The following BPTF variants were observed in gnomAD, a reference collection of about 807,000 sequenced individuals.
BPTF encodes bromodomain PHD finger transcription factor.
Under a neutral mutation model 292.5 loss-of-function variants are expected in BPTF, and 18 were observed. The ratio of observed to expected loss-of-function variants is 0.06; its 90% CI spans 0.04 to 0.09. The LOEUF is 0.09. BPTF is among the 10% of genes least tolerant of loss of function. The probability of loss-of-function intolerance (pLI) is 1.00; values close to 1 mark genes in which losing one functional copy is unlikely to be tolerated. For missense variants in BPTF, 2,726 were observed against 3,498.7 expected (o/e 0.78, Z 5.57); for synonymous variants, 1,225 against 1,251.9 (o/e 0.98, Z 0.45).
chr17:67,881,389 T>C (rs1241523257), intron 4 of BPTF, among the ~76,000 whole-genome samples: 1 of 152,136 alleles, frequency 6.6e-6, no homozygotes, highest in African/African-American at 2.4e-5. Flanking sequence ...TATATGGTTT[T>C]TGTACCTTCA....
In BPTF at chr17:67,825,866, C is replaced by A. The variant is rs1003542700; in HGVS notation, c.142C>A (p.Arg48=). ...GLRSRHRGSS[R]GRWAAAQAEV... is the part of the protein sequence containing the mutation. ...CCGCTCGCGGCACCGCGGCAGCAGC[C>A]GGGGCAGGTGGGCCGCCGCCCAGGC... The change falls in exon 1 of 28, where the codon CGG becomes AGG. Residue 48 remains arginine, a synonymous_variant. Transcript: ENST00000306378. 57 of 1,013,800 alleles carry A rather than the reference C, an allele frequency of 5.6e-5. No homozygotes were observed. In the African/African-American group the frequency reaches 9.1e-4, roughly 16 times the overall value. The allele number at this position is 1,013,800 out of a possible 1,614,324, so 62.8% of individuals were successfully genotyped here.
At chr17:67,841,634 T>C (rs1184149437) in intron 1 of BPTF, among the ~76,000 whole-genome samples, 1 of 152,186 alleles carries the variant, frequency 6.6e-6, no homozygotes, top group Non-Finnish European at 1.5e-5. Context: ...ATTCCTGGGC[T>C]CAAGCAGTCC....
intron 1 of BPTF, among the ~76,000 whole-genome samples, chr17:67,844,287 G>C (rs1018646234): frequency 4.1e-5 from 6 of 147,866 alleles, no homozygotes; most frequent in Admixed American, 6.8e-5. Context: ...TAGCTCTGTT[G>C]CCCAGGCTGG....
chr17:67,925,148 A>C (rs749670637), intron 15 of BPTF, among the ~76,000 whole-genome samples: 8 of 151,740 alleles, frequency 5.3e-5, no homozygotes, highest in Non-Finnish European at 1.0e-4. Flanking sequence ...TGGTTTTGTA[A>C]AAAGTATACA....
chr17:67,870,048 A>G (rs909359752), intron 3 of BPTF, among the ~76,000 whole-genome samples: 2 of 151,398 alleles, frequency 1.3e-5, no homozygotes, highest in Admixed American at 6.6e-5. Flanking sequence ...TTTTGTAGTA[A>G]TGGGGAACAA....
chr17:67,831,818 T>C (rs1164016094), intron 1 of BPTF, among the ~76,000 whole-genome samples: 1 of 152,164 alleles, frequency 6.6e-6, no homozygotes, highest in African/African-American at 2.4e-5. Flanking sequence ...ACCTTGGTCT[T>C]CCTTCTCTTT....
At chr17:67,931,310 G>A (rs951879985) in intron 17 of BPTF, among the ~76,000 whole-genome samples, 2 of 151,444 alleles carry the variant, frequency 1.3e-5, no homozygotes, top group Non-Finnish European at 2.9e-5. Flanking sequence ...GTAAATGAAT[G>A]AATGAATGAA....
chr17:67,863,865 T>A (rs1367742615), intron 2 of BPTF, among the ~76,000 whole-genome samples: 1 of 152,244 alleles, frequency 6.6e-6, no homozygotes, highest in Non-Finnish European at 1.5e-5. Flanking sequence ...TCATTAACCT[T>A]CTACTTAGCT....
intron 4 of BPTF, chr17:67,886,076 G>A (rs940173413): frequency 1.1e-5 from 14 of 1,316,174 alleles, no homozygotes; most frequent in African/African-American, 4.4e-5. Flanking sequence ...CTGACAATTC[G>A]TCATTTTTCA....
At chr17:67,918,467 A>G (rs902658458) in intron 11 of BPTF, among the ~76,000 whole-genome samples, 3 of 152,170 alleles carry the variant, frequency 2.0e-5, no homozygotes, top group African/African-American at 7.2e-5. Flanking sequence ...TTATAAACTT[A>G]TATGGCATTT....
intron 4 of BPTF, among the ~76,000 whole-genome samples, chr17:67,881,973 T>TA (rs2060456913): frequency 6.7e-6 from 1 of 148,896 alleles, no homozygotes; most frequent in South Asian, 2.2e-4. Flanking sequence ...TAGCTGGGAT[T>TA]ACAGGCGCCC....
chr17:67,953,994 T>C, intron 23 of BPTF, among the ~76,000 whole-genome samples: 1 of 43,824 alleles, frequency 2.3e-5, no homozygotes, highest in Non-Finnish European at 4.8e-5. Context: ...TTTTTTTTTT[T>C]TTTTTTTTGA....
chr17:67,961,136 G>A (rs1444745468), intron 24 of BPTF, among the ~76,000 whole-genome samples: 2 of 151,984 alleles, frequency 1.3e-5, no homozygotes, highest in African/African-American at 4.8e-5. Flanking sequence ...AAATAACAAG[G>A]CTTCTTTGGC....
At chr17:67,874,589 C>T (rs909760058) in intron 3 of BPTF, among the ~76,000 whole-genome samples, 1 of 151,800 alleles carries the variant, frequency 6.6e-6, no homozygotes, top group African/African-American at 2.4e-5. Flanking sequence ...AAAGTAGAGC[C>T]CATAATTAGC....
intron 7 of BPTF, among the ~76,000 whole-genome samples, chr17:67,898,370 A>G (rs2146470653): frequency 6.6e-6 from 1 of 152,348 alleles, no homozygotes; most frequent in South Asian, 2.1e-4. Context: ...TAAAAAGAAA[A>G]AAGTTGAAGA....
intron 27 of BPTF, 132 bp downstream of exon 27, chr17:67,976,090 A>C: frequency 4.6e-5 from 30 of 657,018 alleles, no homozygotes; most frequent in South Asian, 6.4e-5. Flanking sequence ...AAATAAATAA[A>C]TCAAGACTCC....
At chr17:67,852,158 A>G in intron 1 of BPTF, among the ~76,000 whole-genome samples, 1 of 152,042 alleles carries the variant, frequency 6.6e-6, no homozygotes, top group East Asian at 1.9e-4. Context: ...TATAAACTTG[A>G]ATCTTTGAAT....
chr17:67,917,872 C>G (rs1289304229), intron 11 of BPTF, among the ~76,000 whole-genome samples: 1 of 152,048 alleles, frequency 6.6e-6, no homozygotes, highest in African/African-American at 2.4e-5. Flanking sequence ...AATGCAGTGG[C>G]CGGATCTTGG....
At chr17:67,826,442 C>T (rs2056044734) in intron 1 of BPTF, 105 bp downstream of exon 1, 47 of 1,218,558 alleles carry the variant, frequency 3.9e-5, no homozygotes, top group Non-Finnish European at 5.1e-5. Context: ...CCCCCAACCC[C>T]GCCTCCCCCC....
Sources: allele counts gnomAD v4.1 joint callset (sites outside exome capture counted in the v4.1 genomes callset), GRCh38; gene constraint gnomAD v4.1.1; transcripts MANE v1.5; gene names NCBI Gene and HGNC (gene_info 2026-07-23, HGNC 2026-07-21).